DPP10: variants seen among roughly 807,000 people sequenced by gnomAD.
DPP10 encodes the protein dipeptidyl peptidase like 10, also known as inactive dipeptidyl peptidase 10.
In DPP10, 33 loss-of-function variants were observed where a neutral mutation model predicts 120.9. The ratio of observed to expected loss-of-function variants is 0.27; its 90% CI spans 0.21 to 0.37. The LOEUF (loss-of-function observed/expected upper bound fraction) is 0.37, where lower values mean the gene tolerates loss of function less well. DPP10 is among the 10% of genes least tolerant of loss of function. DPP10 has a pLI of 1.00. For synonymous variants in DPP10, 337 were observed against 326.1 expected, an observed-to-expected ratio of 1.03 and a Z score of -0.36; for missense variants, 816 against 942.8, an observed-to-expected ratio of 0.87 and a Z score of 1.76.
intron 20 of DPP10, 76 bp from the exon 21 acceptor site, chr2:115,815,599 T>C (rs1344556675): frequency 1.6e-6 from 2 of 1,280,066 alleles, no homozygotes; most frequent in East Asian, 4.7e-5. Context: ...GTTTTGTATG[T>C]ATGCATGCCA....
At chr2:115,144,350 CT>C (rs1430341358) in intron 1 of DPP10, 1 of 152,162 alleles carries the variant, frequency 6.6e-6, no homozygotes, top group Non-Finnish European at 1.5e-5. Context: ...TGCAGAGACA[CT>C]GTTCCTTCCC....
chr2:115,239,208 A>G (rs4257411), intron 1 of DPP10, among the ~76,000 whole-genome samples: 58,194 of 152,070 alleles, frequency 0.38, 13,569 homozygotes, highest in Non-Finnish European at 0.52. Flanking sequence ...CCTTCAATCA[A>G]ATTAAGTCGA....
chr2:115,644,901 A>T (rs185320972), intron 5 of DPP10, among the ~76,000 whole-genome samples: 8 of 152,312 alleles, frequency 5.3e-5, no homozygotes, highest in Admixed American at 3.9e-4. Context: ...ACCACCAAAG[A>T]TATAATTATT....
At chr2:114,555,586 T>C (rs955536722) in intron 1 of DPP10, among the ~76,000 whole-genome samples, 3 of 152,226 alleles carry the variant, frequency 2.0e-5, no homozygotes, top group Non-Finnish European at 4.4e-5. Context: ...GTACCTTCTA[T>C]GCTGCAGGCC....
chr2:114,686,198 A>G (rs954819198), intron 1 of DPP10, among the ~76,000 whole-genome samples: 3 of 151,960 alleles, frequency 2.0e-5, no homozygotes, highest in Non-Finnish European at 4.4e-5. Context: ...TCCCAGTTCT[A>G]AAACTTCTGA....
At position 115,486,922 on chromosome 2, in the gene DPP10, A is replaced by G. The variant is rs553256211; in HGVS notation, c.272-12588A>G. On this transcript the variant is annotated intron_variant, in intron 3 of 25. Coordinates refer to ENST00000410059, the MANE Select transcript of DPP10 (RefSeq NM_020868.6). Reference sequence around the variant, plus strand: ...CTCTTTATCACAGGAAGTACCATTCATAGGATCGGCACTTCCACAAGAATT... The same window carrying G: ...CTCTTTATCACAGGAAGTACCATTCGTAGGATCGGCACTTCCACAAGAATT... Among the ~76,000 whole-genome samples, 192 of 152,312 alleles carry G rather than the reference A, an allele frequency of 1.3e-3. 1 individual carries two copies. The highest frequency in any genetic ancestry group is 4.5e-3 in the African/African-American group (189 of 41,586).
intron 1 of DPP10, among the ~76,000 whole-genome samples, chr2:114,596,873 A>G (rs1032409254): frequency 6.6e-6 from 1 of 152,056 alleles, no homozygotes; most frequent in African/African-American, 2.4e-5. Context: ...CATTTAAGCC[A>G]TATTATTTCA....
chr2:115,695,221 C>CT (rs1162336343), intron 7 of DPP10, among the ~76,000 whole-genome samples: 2 of 152,152 alleles, frequency 1.3e-5, no homozygotes, highest in Admixed American at 6.5e-5. Context: ...TCTGAGAAGA[C>CT]TTTTTTCACA....
intron 1 of DPP10, among the ~76,000 whole-genome samples, chr2:114,932,460 CA>C (rs1233298044): frequency 1.3e-5 from 2 of 152,124 alleles, no homozygotes; most frequent in Admixed American, 1.3e-4. Flanking sequence ...GAACATGGCA[CA>C]ACCCTAAAAA....
intron 3 of DPP10, among the ~76,000 whole-genome samples, chr2:115,472,390 A>G (rs1181237711): frequency 6.6e-6 from 1 of 152,216 alleles, no homozygotes; most frequent in African/African-American, 2.4e-5. Context: ...AAGTAGATAT[A>G]TTACAAAAGC....
intron 3 of DPP10, chr2:115,468,804 T>A (rs2074495820): frequency 2.2e-6 from 1 of 460,706 alleles, no homozygotes; most frequent in African/African-American, 2.0e-5. Flanking sequence ...TCTCAAGGTG[T>A]GCAGGTGCCC....
intron 1 of DPP10, among the ~76,000 whole-genome samples, chr2:114,532,006 G>A (rs180707709): frequency 5.7e-4 from 87 of 151,916 alleles, no homozygotes; most frequent in Admixed American, 5.3e-3. Flanking sequence ...GAACAAAGAG[G>A]CTGAGGAAGG....
chr2:114,600,686 T>C (rs1692285973), intron 1 of DPP10, among the ~76,000 whole-genome samples: 1 of 151,914 alleles, frequency 6.6e-6, no homozygotes, highest in Admixed American at 6.6e-5. Context: ...TAGTGTTTAA[T>C]GTCCCAGTAA....
intron 19 of DPP10, among the ~76,000 whole-genome samples, chr2:115,811,548 T>A (rs17045049): frequency 0.018 from 2,776 of 152,322 alleles, 87 homozygotes; most frequent in African/African-American, 0.061. Context: ...ACTAAACATA[T>A]CTTAGCTGGG....
intron 5 of DPP10, among the ~76,000 whole-genome samples, chr2:115,677,025 T>C (rs1231788977): frequency 6.6e-6 from 1 of 152,128 alleles, no homozygotes. Flanking sequence ...AATATGATAA[T>C]ATAGTCAAAA....
intron 5 of DPP10, among the ~76,000 whole-genome samples, chr2:115,549,935 C>A (rs909257938): frequency 2.0e-5 from 3 of 152,136 alleles, no homozygotes; most frequent in Non-Finnish European, 4.4e-5. Flanking sequence ...AACTGCAATG[C>A]CCTTTTTCCC....
At chr2:114,467,010 C>T (rs774133890) in intron 1 of DPP10, among the ~76,000 whole-genome samples, 5 of 146,276 alleles carry the variant, frequency 3.4e-5, no homozygotes, top group Non-Finnish European at 7.4e-5. Flanking sequence ...CACTGCCTCC[C>T]AGGGCGAGAG....
At chr2:115,093,973 A>G (rs1709507060) in intron 1 of DPP10, among the ~76,000 whole-genome samples, 1 of 152,102 alleles carries the variant, frequency 6.6e-6, no homozygotes, top group Non-Finnish European at 1.5e-5. Flanking sequence ...TATGAAATTG[A>G]ATGGATAGTA....
chr2:114,812,916 G>T (rs1458425512), intron 1 of DPP10, among the ~76,000 whole-genome samples: 1 of 152,100 alleles, frequency 6.6e-6, no homozygotes, highest in Non-Finnish European at 1.5e-5. Flanking sequence ...TAATGCCCAA[G>T]GATAGAACAC....
Sources: gnomAD v4.1 joint callset for allele counts (sites outside exome capture counted in the v4.1 genomes callset) on GRCh38, gnomAD v4.1.1 for gene constraint, MANE v1.5 for transcripts, NCBI Gene and HGNC (gene_info 2026-07-23, HGNC 2026-07-21) for gene names.